PTPN14: variants seen among roughly 807,000 people sequenced by gnomAD.
The protein encoded by PTPN14 is protein tyrosine phosphatase non-receptor type 14.
PTPN14 carries 53 observed loss-of-function variants against 126.8 expected under a neutral mutation model. The observed-to-expected ratio is 0.42, with a 90% confidence interval of 0.34 to 0.53. The LOEUF (loss-of-function observed/expected upper bound fraction) is 0.53. Ranked by LOEUF, PTPN14 falls within the 20% of genes least tolerant of loss-of-function variation. The pLI, the probability that PTPN14 is intolerant of heterozygous loss-of-function variation, is 0.08. For missense variants in PTPN14, 1,257 were observed against 1,552.9 expected, an observed-to-expected ratio of 0.81 and a Z score of 3.20; for synonymous variants, 630 against 599.3, an observed-to-expected ratio of 1.05 and a Z score of -0.75.
intron 1 of PTPN14, among the ~76,000 whole-genome samples, chr1:214,474,212 C>T (rs765806712): frequency 1.3e-5 from 2 of 152,186 alleles, no homozygotes; most frequent in Non-Finnish European, 1.5e-5. Flanking sequence ...AACATGGCTA[C>T]ACAGCAACCT....
Position 214,451,830 on chromosome 1 carries a change from A to T in PTPN14, c.319T>A (p.Ser107Thr). The change falls in exon 3 of 19, where the codon TCA (serine) becomes ACA (threonine). Residue 107 changes from serine (S) to threonine (T), a missense_variant. Ser to Thr is a moderately conservative substitution (Grantham distance 58). Coordinates refer to ENST00000366956, the MANE Select transcript of PTPN14 (RefSeq NM_005401.5). ...CTTGTGGCCTCTTGCTGAAGCCATG[A>T]CACATTTGGCACATAGAACATGACT... ...FGVMFYVPNV[S>T]WLQQEATRYQ... The T allele has an allele frequency of 6.2e-7, 1 of 1,614,192 alleles. No individual in the cohort carries two copies. Among genetic ancestry groups the T allele is most frequent in the Non-Finnish European group, 8.5e-7 (1 of 1,180,040 alleles).
At chr1:214,418,368 A>C (rs896354257) in intron 3 of PTPN14, among the ~76,000 whole-genome samples, 5 of 152,264 alleles carry the variant, frequency 3.3e-5, no homozygotes, top group Non-Finnish European at 7.3e-5. Context: ...AAGCTATTTA[A>C]TAAGGGAAGG....
intron 1 of PTPN14, among the ~76,000 whole-genome samples, chr1:214,483,809 GTCT>G (rs1197714765): frequency 3.3e-5 from 5 of 151,676 alleles, no homozygotes; most frequent in Non-Finnish European, 7.4e-5. Context: ...AATTCTCCTT[GTCT>G]TCTTAAGTTA....
intron 1 of PTPN14, among the ~76,000 whole-genome samples, chr1:214,469,764 T>C (rs1224983085): frequency 7.0e-6 from 1 of 143,674 alleles, no homozygotes; most frequent in Non-Finnish European, 1.5e-5. Flanking sequence ...TTAGGTTCAA[T>C]AATTGTAACC....
chr1:214,485,839 C>T (rs879396092), intron 1 of PTPN14, among the ~76,000 whole-genome samples: 6 of 152,104 alleles, frequency 3.9e-5, no homozygotes, highest in Non-Finnish European at 5.9e-5. Flanking sequence ...CATTCTCCTA[C>T]CTCAGCCTCC....
At chr1:214,447,328 T>A in intron 3 of PTPN14, among the ~76,000 whole-genome samples, 1 of 152,088 alleles carries the variant, frequency 6.6e-6, no homozygotes, top group East Asian at 1.9e-4. Flanking sequence ...TCTTAAGGAC[T>A]GTAGCATTTT....
At chr1:214,455,659 G>A (rs1229165346) in intron 2 of PTPN14, among the ~76,000 whole-genome samples, 4 of 152,164 alleles carry the variant, frequency 2.6e-5, no homozygotes, top group South Asian at 2.1e-4. Flanking sequence ...AATGCACTAC[G>A]ATGAAACCAA....
Position 214,351,059 on chromosome 1 carries a change from G to A in PTPN14, c.*6863C>T, listed in dbSNP as rs1444902683. On this transcript the variant is annotated 3_prime_UTR_variant, in exon 19 of 19. Coordinates refer to ENST00000366956, the MANE Select transcript of PTPN14 (RefSeq NM_005401.5). ...TGAGAGTTGATCCATAAAGCAGATGGGGAAATATGAAAAGGCAGCAGAGGC... is the reference window on the plus strand; with the variant it reads ...TGAGAGTTGATCCATAAAGCAGATGAGGAAATATGAAAAGGCAGCAGAGGC... The A allele has an allele frequency of 6.6e-6, 1 of 151,900 alleles. No homozygotes were observed. 9.4% of individuals were successfully genotyped at this position (151,900 alleles called of 1,614,324 possible).
intron 3 of PTPN14, among the ~76,000 whole-genome samples, chr1:214,428,152 C>G (rs1659711721): frequency 6.6e-6 from 1 of 152,120 alleles, no homozygotes; most frequent in South Asian, 2.1e-4. Context: ...GCGGAAATGC[C>G]AGTCAGAAAA....
chr1:214,500,489 C>T (rs558978828), intron 1 of PTPN14, among the ~76,000 whole-genome samples: 1 of 152,126 alleles, frequency 6.6e-6, no homozygotes, highest in South Asian at 2.1e-4. Context: ...CCACCAACAC[C>T]CTCCTCCTTC....
At chr1:214,451,135 A>C (rs1252982966) in intron 3 of PTPN14, among the ~76,000 whole-genome samples, 1 of 147,398 alleles carries the variant, frequency 6.8e-6, no homozygotes, top group Non-Finnish European at 1.5e-5. Flanking sequence ...ACAAAACAGA[A>C]TTAGGTTTTT....
intron 12 of PTPN14, among the ~76,000 whole-genome samples, chr1:214,385,570 A>G (rs895864101): frequency 6.6e-6 from 1 of 151,984 alleles, no homozygotes; most frequent in African/African-American, 2.4e-5. Flanking sequence ...GATTTCTACA[A>G]TCAGGTGTCT....
chr1:214,542,765 T>C (rs533061138), intron 1 of PTPN14, among the ~76,000 whole-genome samples: 1 of 152,332 alleles, frequency 6.6e-6, no homozygotes, highest in African/African-American at 2.4e-5. Flanking sequence ...AGGAAACACC[T>C]GCAGTTTGGC....
chr1:214,470,866 T>C (rs1359266602), intron 1 of PTPN14, among the ~76,000 whole-genome samples: 3 of 123,566 alleles, frequency 2.4e-5, no homozygotes, highest in East Asian at 2.3e-4. Context: ...AAAATATATA[T>C]ATATAAAAAT....
At chr1:214,500,041 C>T (rs1201010556) in intron 1 of PTPN14, among the ~76,000 whole-genome samples, 2 of 151,412 alleles carry the variant, frequency 1.3e-5, no homozygotes, top group African/African-American at 4.8e-5. Context: ...ACATTGTCCG[C>T]AAATGTCCAC....
intron 1 of PTPN14, among the ~76,000 whole-genome samples, chr1:214,466,529 C>T (rs546434186): frequency 9.2e-5 from 14 of 152,286 alleles, no homozygotes; most frequent in Non-Finnish European, 1.3e-4. Context: ...ATGGACAACA[C>T]AAGAATAAAA....
chr1:214,518,739 T>C (rs563618836), intron 1 of PTPN14, among the ~76,000 whole-genome samples: 1 of 152,268 alleles, frequency 6.6e-6, no homozygotes, highest in South Asian at 2.1e-4. Context: ...ACAACAGCTA[T>C]TCACTTTATT....
intron 1 of PTPN14, among the ~76,000 whole-genome samples, chr1:214,474,498 A>G (rs1660827418): frequency 6.6e-6 from 1 of 152,250 alleles, no homozygotes; most frequent in African/African-American, 2.4e-5. Flanking sequence ...GGTGACACGT[A>G]AATGATTAAC....
intron 17 of PTPN14, among the ~76,000 whole-genome samples, chr1:214,367,751 G>T (rs1658115172): frequency 6.6e-6 from 1 of 152,136 alleles, no homozygotes. Flanking sequence ...AGGGAGAGCT[G>T]CAGCCACCGC....
Sources: allele counts gnomAD v4.1 joint callset (sites outside exome capture counted in the v4.1 genomes callset), GRCh38; gene constraint gnomAD v4.1.1; transcripts MANE v1.5; gene names NCBI Gene and HGNC (gene_info 2026-07-23, HGNC 2026-07-21).